The following ACTR1A variants were observed in gnomAD, a reference collection of about 807,000 sequenced individuals.
The protein encoded by ACTR1A is alpha-centractin.
A neutral mutation model predicts 50.7 loss-of-function variants in ACTR1A; 10 were observed. That is an observed-to-expected ratio of 0.20 (90% CI 0.12 to 0.33). The LOEUF (loss-of-function observed/expected upper bound fraction) is 0.33, where lower values mean the gene tolerates loss of function less well. ACTR1A is among the 10% of genes least tolerant of loss of function. ACTR1A has a pLI of 1.00. For synonymous variants in ACTR1A, 177 were observed against 184.2 expected (o/e 0.96, Z 0.32); for missense variants, 253 against 491.7 (o/e 0.51, Z 4.59).
At position 102,483,122 on chromosome 10, in the gene ACTR1A, C is replaced by T. The variant is rs373621336; in HGVS notation, c.658-19G>A. 5 of 1,593,952 alleles carry T rather than the reference C, an allele frequency of 3.1e-6. No homozygotes were observed. In the African/African-American group the frequency reaches 5.4e-5, roughly 17 times the overall value. On this transcript the variant is annotated intron_variant, in intron 6 of 10. Transcript: ENST00000369905. Reference sequence around the variant, plus strand: ...AGGCTCTCTGCAGATCCAAGCAAGACAGTCAGGCTGGCAGGAAATCTGGTG... The same window carrying T: ...AGGCTCTCTGCAGATCCAAGCAAGATAGTCAGGCTGGCAGGAAATCTGGTG...
chr10:102,483,473 G>T (rs1417722434), intron 6 of ACTR1A: 1 of 188,586 alleles, frequency 5.3e-6, no homozygotes, highest in Non-Finnish European at 1.1e-5. Flanking sequence ...GTGGCAGGAG[G>T]TTTCAGTTTA....
chr10:102,483,193 C>G (rs766970289), intron 6 of ACTR1A, 90 bp from the exon 7 acceptor site: 32 of 992,084 alleles, frequency 3.2e-5, no homozygotes, highest in Non-Finnish European at 5.2e-5. Flanking sequence ...GCTGCACAAA[C>G]CTGTCTAAAC....
At chr10:102,486,433 T>C (rs999799134) in intron 4 of ACTR1A, among the ~76,000 whole-genome samples, 2 of 152,142 alleles carry the variant, frequency 1.3e-5, no homozygotes, top group Non-Finnish European at 2.9e-5. Context: ...CTCACACCTG[T>C]AATCCCAGCA....
At chr10:102,481,062 T>C (rs1211795242) in intron 10 of ACTR1A, 70 bp downstream of exon 10, 2 of 1,589,696 alleles carry the variant, frequency 1.3e-6, no homozygotes, top group African/African-American at 1.3e-5. Flanking sequence ...GGCTTTTCTT[T>C]AGAGGGTGCT....
At chr10:102,493,001 C>CAAAAAAAAAAAA (rs398014648) in intron 1 of ACTR1A, among the ~76,000 whole-genome samples, 604 of 48,876 alleles carry the variant, frequency 0.012, 61 homozygotes, top group African/African-American at 0.037. Flanking sequence ...GACTCCACCT[C>CAAAAAAAAAAAA]AAAAAAAAAA....
chr10:102,499,479 G>C (rs948256750), intron 1 of ACTR1A, among the ~76,000 whole-genome samples: 3 of 152,098 alleles, frequency 2.0e-5, no homozygotes, highest in Admixed American at 6.6e-5. Flanking sequence ...AAAAAGACAA[G>C]TCAATTCTTT....
chr10:102,491,970 C>T (rs1468400310), intron 1 of ACTR1A, among the ~76,000 whole-genome samples: 46 of 142,830 alleles, frequency 3.2e-4, no homozygotes, highest in African/African-American at 1.2e-3. Context: ...AGGGTTTCAC[C>T]GTGTTAGCCA....
chr10:102,502,059 C>T (rs536538199), intron 1 of ACTR1A, among the ~76,000 whole-genome samples: 1 of 152,348 alleles, frequency 6.6e-6, no homozygotes, highest in South Asian at 2.1e-4. Flanking sequence ...AGCCGTTCTC[C>T]ACCCGCGGGC....
chr10:102,490,700 G>T, intron 1 of ACTR1A, 87 bp from the exon 2 acceptor site: 16 of 1,106,510 alleles, frequency 1.4e-5, no homozygotes, highest in East Asian at 5.8e-5. Flanking sequence ...TTTTATTTAA[G>T]AAAAGAAAGC....
intron 4 of ACTR1A, 37 bp from the exon 5 acceptor site, chr10:102,485,770 C>G: frequency 1.2e-6 from 2 of 1,609,320 alleles, no homozygotes; most frequent in Non-Finnish European, 1.7e-6. Flanking sequence ...GAGGCCAAGG[C>G]CAGATTTCCA....
At chr10:102,499,050 A>G (rs1482022380) in intron 1 of ACTR1A, among the ~76,000 whole-genome samples, 2 of 152,206 alleles carry the variant, frequency 1.3e-5, no homozygotes, top group East Asian at 3.8e-4. Flanking sequence ...ATGCCAGAGT[A>G]AGATGAAAGA....
chr10:102,502,693 C>T lies in ACTR1A; in HGVS notation c.-46G>A. On this transcript the variant is annotated 5_prime_UTR_variant, in exon 1 of 11. Coordinates refer to ENST00000369905, the MANE Select transcript of ACTR1A (RefSeq NM_005736.4). ...TGGGGAAGGAACTGCCCAGCCGGGTCCGCCGCTAGCGCCACTGACACGCAT... is the reference window on the plus strand; with the variant it reads ...TGGGGAAGGAACTGCCCAGCCGGGTTCGCCGCTAGCGCCACTGACACGCAT... The T allele has an allele frequency of 6.2e-7, 1 of 1,608,480 alleles. No homozygotes were observed. The highest frequency in any genetic ancestry group is 8.5e-7 in the Non-Finnish European group (1 of 1,175,346).
intron 1 of ACTR1A, among the ~76,000 whole-genome samples, chr10:102,496,696 C>T (rs2062223988): frequency 6.6e-6 from 1 of 152,170 alleles, no homozygotes; most frequent in African/African-American, 2.4e-5. Context: ...ATTTCCTCAG[C>T]TAATTCTAGT....
chr10:102,480,841 A>C lies in ACTR1A; in HGVS notation c.*22T>G, dbSNP rs746831192. 4 of 1,569,350 alleles carry C rather than the reference A, an allele frequency of 2.5e-6. No homozygotes were observed. The South Asian group carries it at 4.4e-5, about 17-fold the overall frequency. ...TTAAAGTGGAGTTAACTTCAGAGAG[A>C]GGTGAAGATGATGTCCCGACATTAG... On this transcript the variant is annotated 3_prime_UTR_variant, in exon 11 of 11. Coordinates refer to ENST00000369905, the MANE Select transcript of ACTR1A (RefSeq NM_005736.4).
chr10:102,487,997 G>A (rs1028955366), intron 4 of ACTR1A, among the ~76,000 whole-genome samples, 153 bp downstream of exon 4: 9 of 152,122 alleles, frequency 5.9e-5, no homozygotes, highest in African/African-American at 2.2e-4. Context: ...ATATCTCATA[G>A]GAATGGTGTT....
intron 1 of ACTR1A, among the ~76,000 whole-genome samples, chr10:102,492,750 C>T (rs12241420): frequency 0.043 from 6,577 of 152,042 alleles, 458 homozygotes; most frequent in African/African-American, 0.15. Flanking sequence ...GCCTGTAATC[C>T]CAGCACTGTG....
rs1442471852 is a variant in ACTR1A, at chr10:102,488,677, G to A, written c.189+386C>T. ...TTACAAGAGGCTGCATGAGGGCTCTGACAAAGCTGTGTGAATTAACTCATC... is the reference window on the plus strand; with the variant it reads ...TTACAAGAGGCTGCATGAGGGCTCTAACAAAGCTGTGTGAATTAACTCATC... On this transcript the variant is annotated intron_variant, in intron 3 of 10. Transcript: ENST00000369905. The surrounding 1 kb of genome is among the most constrained non-coding windows in gnomAD (Gnocchi z 4.4). Among the ~76,000 whole-genome samples, 1 of 152,208 alleles carries A rather than the reference G, an allele frequency of 6.6e-6. No individual in the cohort carries two copies. Among genetic ancestry groups the A allele is most frequent in the Admixed American group, 6.5e-5 (1 of 15,282 alleles).
intron 4 of ACTR1A, among the ~76,000 whole-genome samples, chr10:102,486,448 G>A (rs1044439446): frequency 3.9e-5 from 6 of 152,118 alleles, no homozygotes; most frequent in African/African-American, 1.4e-4. Context: ...CCAGCACCTT[G>A]GGAGGCTGAG....
rs777475085 is a variant in ACTR1A at position 102,481,147 on chromosome 10, TAC to T, written c.1011_1012del (p.Tyr338PhefsTer16). The T allele has an allele frequency of 6.2e-7, 1 of 1,607,852 alleles. No homozygotes were observed. ...AGCTACTCACCCAATCCACGTGGAA[TAC>T]AGTCTCTCCTGAGGTGCAGATATCT... On this transcript the variant is annotated frameshift_variant, in exon 10 of 11. Coordinates refer to ENST00000369905, the MANE Select transcript of ACTR1A (RefSeq NM_005736.4). LOFTEE classifies it high-confidence loss of function.
Sources: allele counts gnomAD v4.1 joint callset (sites outside exome capture counted in the v4.1 genomes callset), GRCh38; gene constraint gnomAD v4.1.1; non-coding constraint Gnocchi (gnomAD v3.1); transcripts MANE v1.5; gene names NCBI Gene and HGNC (gene_info 2026-07-23, HGNC 2026-07-21).